TMEM35A: variants seen among roughly 807,000 people sequenced by gnomAD.
The protein encoded by TMEM35A is transmembrane protein 35A, also known as nicotinic acetylcholine receptor chaperone.
For missense variants in TMEM35A, 83 were observed against 132.7 expected, an observed-to-expected ratio of 0.63 and a Z score of 1.84; for synonymous variants, 50 against 54.7, an observed-to-expected ratio of 0.91 and a Z score of 0.38.
chrX:101,084,551 TA>T (rs1371660210), intron 1 of TMEM35A, among the ~76,000 whole-genome samples: 1 of 112,000 alleles, frequency 8.9e-6, no homozygotes, highest in African/African-American at 3.2e-5. Context: ...CATTCCCATG[TA>T]ACCCAGCACT....
At chrX:101,087,251 C>T (rs755671223) in intron 1 of TMEM35A, among the ~76,000 whole-genome samples, 2 of 112,042 alleles carry the variant, frequency 1.8e-5, no homozygotes, top group East Asian at 2.8e-4. Context: ...CCACTGCGCC[C>T]GGCCAATAGG....
At chrX:101,080,807 C>G (rs1476308524) in intron 1 of TMEM35A, among the ~76,000 whole-genome samples, 2 of 110,001 alleles carry the variant, frequency 1.8e-5, no homozygotes, top group Non-Finnish European at 3.8e-5. Flanking sequence ...GTAAGCTTTC[C>G]CTAGCCTTAG....
intron 1 of TMEM35A, among the ~76,000 whole-genome samples, chrX:101,086,202 C>T (rs2089307015): frequency 9.0e-6 from 1 of 111,684 alleles, no homozygotes. Flanking sequence ...CTCACCGCAA[C>T]CTCTGCTTCC....
Position 101,082,133 on chromosome X carries a change from CTTTT to C in TMEM35A, c.120+3031_120+3034del. On this transcript the variant is annotated intron_variant, in intron 1 of 1. Coordinates refer to ENST00000372930, the MANE Select transcript of TMEM35A (RefSeq NM_021637.3). ...ATTTCTTTTTTCTTTTTCTTTCTTT[CTTTT>C]TTTTTTTTTTTTTTTTTTTGCTTTT... 7.3e-4 allele frequency among the ~76,000 whole-genome samples: 15 copies of C among 20,472 alleles called. No individual in the cohort carries two copies. In the East Asian group the frequency reaches 0.014, roughly 19 times the overall value. 17.8% of individuals were successfully genotyped at this position (20,472 alleles called of 115,157 possible).
chrX:101,084,843 C>G (rs753738499), intron 1 of TMEM35A, among the ~76,000 whole-genome samples: 3 of 110,483 alleles, frequency 2.7e-5, no homozygotes, highest in Non-Finnish European at 5.7e-5. Flanking sequence ...ACAGCCTGGA[C>G]GACAGAGTTA....
In TMEM35A at chrX:101,082,046, A is replaced by G. The variant is rs191835162; in HGVS notation, c.120+2924A>G. Among the ~76,000 whole-genome samples the G allele has an allele frequency of 4.0e-3, 430 of 108,726 alleles. 4 individuals are homozygous for G. The highest frequency in any genetic ancestry group is 7.3e-3 in the Admixed American group (73 of 10,002). The allele number at this position is 108,726 out of a possible 115,157, so 94.4% of individuals were successfully genotyped here. A position where few individuals can be genotyped will look rare whatever the true frequency, so the allele number is the denominator to read the frequency against. ...TTTATTGTACCAGTTTAACTGCCCA[A>G]TGCATATTTTCAATTTTGTTTTACT... On this transcript the variant is annotated intron_variant, in intron 1 of 1. Coordinates refer to ENST00000372930, the MANE Select transcript of TMEM35A (RefSeq NM_021637.3).
intron 1 of TMEM35A, among the ~76,000 whole-genome samples, chrX:101,090,955 G>C (rs2089322445): frequency 9.1e-6 from 1 of 109,934 alleles, no homozygotes; most frequent in African/African-American, 3.3e-5. Flanking sequence ...TCCTGCCTCA[G>C]CCTCCAGAGT....
intron 1 of TMEM35A, among the ~76,000 whole-genome samples, chrX:101,086,607 C>T (rs1302715038): frequency 1.8e-5 from 2 of 112,276 alleles, no homozygotes; most frequent in African/African-American, 6.5e-5. Context: ...AATTGGAATT[C>T]AGCTTAAGAA....
At chrX:101,088,619 TA>T (rs1303675261) in intron 1 of TMEM35A, among the ~76,000 whole-genome samples, 1 of 110,614 alleles carries the variant, frequency 9.0e-6, no homozygotes, top group African/African-American at 3.3e-5. Context: ...TCAGAAGTGT[TA>T]AGAGGCCAGG....
chrX:101,094,374 C>A lies in TMEM35A; in HGVS notation c.121-199C>A, dbSNP rs1438609326. The A allele has an allele frequency of 1.2e-5, 4 of 333,196 alleles. No homozygotes were observed. In the Admixed American group the frequency reaches 2.2e-4, roughly 19 times the overall value. The allele number at this position is 333,196 out of a possible 1,213,427, so 27.5% of individuals were successfully genotyped here. On this transcript the variant is annotated intron_variant, in intron 1 of 1. Coordinates refer to ENST00000372930, the MANE Select transcript of TMEM35A (RefSeq NM_021637.3). ...AGGTGATCTGCCCACCTCGGCCTCC[C>A]AAAGTGCTGAGATTACAGGTGTGAG...
chrX:101,088,522 C>T (rs1024999159), intron 1 of TMEM35A, among the ~76,000 whole-genome samples: 1 of 111,597 alleles, frequency 9.0e-6, no homozygotes, highest in African/African-American at 3.3e-5. Flanking sequence ...GAGGCTGAGG[C>T]GGGAGGATCA....
intron 1 of TMEM35A, among the ~76,000 whole-genome samples, chrX:101,085,965 A>T (rs1458563392): frequency 1.8e-5 from 2 of 111,747 alleles, no homozygotes; most frequent in Non-Finnish European, 3.8e-5. Flanking sequence ...AATAAAATTT[A>T]AAAATAACAA....
At chrX:101,086,952 C>CTTTT (rs144682101) in intron 1 of TMEM35A, among the ~76,000 whole-genome samples, 7 of 72,632 alleles carry the variant, frequency 9.6e-5, no homozygotes, top group Non-Finnish European at 1.3e-4. Context: ...TAATAGGATT[C>CTTTT]TTTTTTTTTT....
rs1314360358 is a variant in TMEM35A, at chrX:101,078,989, G to T, written c.-14G>T. On this transcript the variant is annotated 5_prime_UTR_variant, in exon 1 of 2. Coordinates refer to ENST00000372930, the MANE Select transcript of TMEM35A (RefSeq NM_021637.3). ...AAATCAGAAGGATTAGTTGGGACCT[G>T]CCTTGGCGACCCCATGGCATCCCCC... is the stretch of plus-strand genomic sequence containing the variant. 8.3e-7 allele frequency: 1 copy of T among 1,211,371 alleles called. No individual in the cohort carries two copies. The highest frequency in any genetic ancestry group is 1.8e-5 in the South Asian group (1 of 56,972).
At chrX:101,090,272 C>T (rs2089320022) in intron 1 of TMEM35A, among the ~76,000 whole-genome samples, 1 of 107,692 alleles carries the variant, frequency 9.3e-6, no homozygotes, top group Non-Finnish European at 1.9e-5. Context: ...CGTGCCTCAG[C>T]CTCCCGGATA....
At chrX:101,083,529 T>C (rs1295026038) in intron 1 of TMEM35A, among the ~76,000 whole-genome samples, 2 of 112,165 alleles carry the variant, frequency 1.8e-5, no homozygotes, top group African/African-American at 3.2e-5. Context: ...CTTCTGTTTA[T>C]GTAATCCTGA....
intron 1 of TMEM35A, among the ~76,000 whole-genome samples, chrX:101,083,665 T>C (rs1270057417): frequency 8.9e-6 from 1 of 111,980 alleles, no homozygotes; most frequent in Non-Finnish European, 1.9e-5. Flanking sequence ...ATGTTTAGAC[T>C]GCTCTCTGAG....
chrX:101,089,839 T>G (rs59148822), intron 1 of TMEM35A, among the ~76,000 whole-genome samples: 1 of 111,322 alleles, frequency 9.0e-6, no homozygotes, highest in Non-Finnish European at 1.9e-5. Flanking sequence ...TGCTTTTTTC[T>G]AAACCATTAG....
intron 1 of TMEM35A, among the ~76,000 whole-genome samples, chrX:101,090,090 C>T (rs1329415638): frequency 2.7e-5 from 3 of 110,630 alleles, no homozygotes; most frequent in African/African-American, 6.6e-5. Flanking sequence ...GACCTGGTCT[C>T]TCCTGGTTTT....
Sources: gnomAD v4.1 joint callset for allele counts (sites outside exome capture counted in the v4.1 genomes callset) on GRCh38, gnomAD v4.1.1 for gene constraint, MANE v1.5 for transcripts, NCBI Gene and HGNC (gene_info 2026-07-23, HGNC 2026-07-21) for gene names.